TMPRSS11F: variants seen among roughly 807,000 people sequenced by gnomAD.
The protein encoded by TMPRSS11F is transmembrane protease serine 11F.
In TMPRSS11F, 47 loss-of-function variants were observed where a neutral mutation model predicts 60.2. The ratio of observed to expected loss-of-function variants is 0.78; its 90% CI spans 0.62 to 1.00. TMPRSS11F has a LOEUF of 1.00. Ranked by LOEUF, TMPRSS11F falls within the 50% of genes least tolerant of loss-of-function variation. The pLI, the probability that TMPRSS11F is intolerant of heterozygous loss-of-function variation, is 0.00. For synonymous variants in TMPRSS11F, 166 were observed against 167.3 expected (o/e 0.99, Z 0.06); for missense variants, 519 against 522.9 (o/e 0.99, Z 0.07).
Position 68,068,741 on chromosome 4 carries a change from T to A in TMPRSS11F, c.632A>T (p.Glu211Val). ...SSTQRIVQGR[E>V]TAMEGEWPWQ... is the part of the protein sequence containing the mutation. ...TGGCCATTCCCCTTCCATAGCTGTT[T>A]CCCTTCCTTGGACAATTCTTTGAGT... Residue 211 changes from glutamate (E) to valine (V), a missense_variant, in exon 7 of 10, where the codon GAA (glutamate) becomes GTA (valine). Transcript: ENST00000356291. 6.2e-7 allele frequency: 1 copy of A among 1,614,258 alleles called. No homozygotes were observed. Among genetic ancestry groups the A allele is most frequent in the Non-Finnish European group, 8.5e-7 (1 of 1,180,050 alleles).
chr4:68,091,777 CTCTCTCTA>C lies in TMPRSS11F; in HGVS notation c.164-1144_164-1137del, dbSNP rs1201973625. Among the ~76,000 whole-genome samples, 470 of 113,890 alleles carry C rather than the reference CTCTCTCTA, an allele frequency of 4.1e-3. 6 individuals are homozygous for C. Among genetic ancestry groups the C allele is most frequent in the African/African-American group, 0.011 (331 of 29,748 alleles). The allele number at this position is 113,890 out of a possible 152,430, so 74.7% of individuals were successfully genotyped here. A position where few individuals can be genotyped will look rare whatever the true frequency, so the allele number is the denominator to read the frequency against. ...TCTCTCTCTCTCTCTCTCTCTCTCT[CTCTCTCTA>C]TCTATCTATCTATCTTTTTGAGATG... is the stretch of plus-strand genomic sequence containing the variant. On this transcript the variant is annotated intron_variant, in intron 2 of 9. Transcript: ENST00000356291.
intron 3 of TMPRSS11F, among the ~76,000 whole-genome samples, chr4:68,076,308 T>C (rs1012695533): frequency 1.3e-5 from 2 of 152,090 alleles, no homozygotes; most frequent in Non-Finnish European, 2.9e-5. Context: ...AAAACTGTTA[T>C]TAAAATTCCT....
At chr4:68,082,877 T>A (rs746444872) in intron 3 of TMPRSS11F, among the ~76,000 whole-genome samples, 3 of 151,972 alleles carry the variant, frequency 2.0e-5, no homozygotes, top group African/African-American at 7.3e-5. Flanking sequence ...TGACAGCCAC[T>A]GCCTCTGCCC....
intron 3 of TMPRSS11F, among the ~76,000 whole-genome samples, chr4:68,084,714 T>G (rs1270027673): frequency 1.3e-5 from 2 of 150,734 alleles, no homozygotes; most frequent in Non-Finnish European, 2.9e-5. Flanking sequence ...ACACATTTAT[T>G]TATTTATTTA....
At chr4:68,124,220 TAA>T (rs71218935) in intron 1 of TMPRSS11F, among the ~76,000 whole-genome samples, 45,883 of 144,338 alleles carry the variant, frequency 0.32, 7,157 homozygotes, top group East Asian at 0.49. Flanking sequence ...GACTCTGTCT[TAA>T]AAAAAAAAAA....
intron 3 of TMPRSS11F, among the ~76,000 whole-genome samples, chr4:68,075,139 G>A (rs1723557823): frequency 6.6e-6 from 1 of 152,046 alleles, no homozygotes; most frequent in African/African-American, 2.4e-5. Context: ...CTCCCCACAA[G>A]ATTCCTTCCT....
chr4:68,064,122 T>A (rs1436550732), intron 8 of TMPRSS11F, among the ~76,000 whole-genome samples: 1 of 129,320 alleles, frequency 7.7e-6, no homozygotes, highest in Non-Finnish European at 1.5e-5. Flanking sequence ...TCTCCCTGAC[T>A]TTTTTTTTTT....
intron 1 of TMPRSS11F, among the ~76,000 whole-genome samples, chr4:68,112,082 C>T (rs1204518838): frequency 6.6e-6 from 1 of 152,156 alleles, no homozygotes; most frequent in African/African-American, 2.4e-5. Flanking sequence ...GATACTGTCT[C>T]TTCTGCTCAA....
intron 1 of TMPRSS11F, among the ~76,000 whole-genome samples, chr4:68,118,227 A>G (rs2109886680): frequency 6.6e-6 from 1 of 152,324 alleles, no homozygotes; most frequent in South Asian, 2.1e-4. Flanking sequence ...AACACCAACC[A>G]GTGTGAGGCT....
At chr4:68,099,987 G>A (rs1478658852) in intron 1 of TMPRSS11F, among the ~76,000 whole-genome samples, 4 of 149,740 alleles carry the variant, frequency 2.7e-5, no homozygotes, top group Non-Finnish European at 5.9e-5. Flanking sequence ...TTTGTCAGGA[G>A]ATTTTATTAA....
chr4:68,109,756 A>T (rs1724375610), intron 1 of TMPRSS11F, among the ~76,000 whole-genome samples: 1 of 152,232 alleles, frequency 6.6e-6, no homozygotes, highest in Non-Finnish European at 1.5e-5. Flanking sequence ...CTTTATGATC[A>T]TCCCACATGA....
At chr4:68,104,355 T>C (rs1724256955) in intron 1 of TMPRSS11F, among the ~76,000 whole-genome samples, 2 of 152,148 alleles carry the variant, frequency 1.3e-5, no homozygotes, top group African/African-American at 4.8e-5. Context: ...TCATCTTGAA[T>C]TGTAGTTCCC....
chr4:68,092,016 C>T (rs1723952669), intron 2 of TMPRSS11F, among the ~76,000 whole-genome samples: 1 of 152,030 alleles, frequency 6.6e-6, no homozygotes, highest in East Asian at 1.9e-4. Flanking sequence ...GAACTCCTGA[C>T]CTCAAGTGAT....
intron 7 of TMPRSS11F, among the ~76,000 whole-genome samples, chr4:68,066,723 C>T (rs1012036138): frequency 5.3e-5 from 8 of 151,994 alleles, no homozygotes; most frequent in Admixed American, 2.6e-4. Flanking sequence ...ATCATGAGGT[C>T]GGGAGATCGA....
Sources: allele counts gnomAD v4.1 joint callset (sites outside exome capture counted in the v4.1 genomes callset), GRCh38; gene constraint gnomAD v4.1.1; transcripts MANE v1.5; gene names NCBI Gene and HGNC (gene_info 2026-07-23, HGNC 2026-07-21).